The following MAP3K13 variants were observed in gnomAD, a reference collection of about 807,000 sequenced individuals.
MAP3K13 encodes the protein leucine zipper-bearing kinase.
A neutral mutation model predicts 104.0 loss-of-function variants in MAP3K13; 52 were observed. The ratio of observed to expected loss-of-function variants is 0.50; its 90% CI spans 0.40 to 0.63. The LOEUF (loss-of-function observed/expected upper bound fraction) is 0.63. MAP3K13 is among the 20% of genes least tolerant of loss of function. The pLI is 0.00. For synonymous variants in MAP3K13, 394 were observed against 442.2 expected, an observed-to-expected ratio of 0.89 and a Z score of 1.37; for missense variants, 914 against 1,218.5, an observed-to-expected ratio of 0.75 and a Z score of 3.72.
intron 2 of MAP3K13, among the ~76,000 whole-genome samples, chr3:185,335,887 T>A (rs1377681297): frequency 6.6e-6 from 1 of 152,182 alleles, no homozygotes; most frequent in East Asian, 1.9e-4. Context: ...CCTCTCTCAC[T>A]GCCTAGCAAA....
At chr3:185,464,825 A>G (rs1438477018) in intron 8 of MAP3K13, among the ~76,000 whole-genome samples, 1 of 152,162 alleles carries the variant, frequency 6.6e-6, no homozygotes, top group African/African-American at 2.4e-5. Context: ...CAGCAGATTC[A>G]GTGTCTGGTG....
intron 1 of MAP3K13, among the ~76,000 whole-genome samples, chr3:185,425,773 T>C (rs1216138512): frequency 6.6e-6 from 1 of 152,216 alleles, no homozygotes; most frequent in East Asian, 1.9e-4. Context: ...CTTTCTTTCC[T>C]AGTGACCATT....
At chr3:185,466,185 G>A (rs1301623103) in intron 9 of MAP3K13, among the ~76,000 whole-genome samples, 2 of 152,188 alleles carry the variant, frequency 1.3e-5, no homozygotes, top group Non-Finnish European at 2.9e-5. Context: ...GCTGCTGAAA[G>A]TGGTGTAAGG....
At chr3:185,366,767 C>T (rs1723909345) in intron 1 of MAP3K13, among the ~76,000 whole-genome samples, 1 of 152,134 alleles carries the variant, frequency 6.6e-6, no homozygotes, top group Non-Finnish European at 1.5e-5. Context: ...ACACATTGTC[C>T]ACATTAAAAA....
At chr3:185,300,529 T>C (rs1293181003) in intron 2 of MAP3K13, among the ~76,000 whole-genome samples, 1 of 151,478 alleles carries the variant, frequency 6.6e-6, no homozygotes, top group Non-Finnish European at 1.5e-5. Flanking sequence ...TGTAGCTTTG[T>C]TGCCCAGGCT....
chr3:185,372,739 C>T (rs1724219468), intron 1 of MAP3K13, among the ~76,000 whole-genome samples: 1 of 152,116 alleles, frequency 6.6e-6, no homozygotes, highest in African/African-American at 2.4e-5. Flanking sequence ...ATTTAATAGG[C>T]TATGGAATGG....
chr3:185,404,057 T>A (rs1712967870), intron 1 of MAP3K13, among the ~76,000 whole-genome samples: 1 of 152,232 alleles, frequency 6.6e-6, no homozygotes, highest in Admixed American at 6.5e-5. Context: ...GCACAGTGCC[T>A]AGGCACTCAG....
At chr3:185,353,010 G>A (rs147300413) in intron 2 of MAP3K13, among the ~76,000 whole-genome samples, 272 of 152,332 alleles carry the variant, frequency 1.8e-3, no homozygotes, top group Non-Finnish European at 3.1e-3. Flanking sequence ...TACACGTAAT[G>A]GAAAACCAAG....
intron 1 of MAP3K13, among the ~76,000 whole-genome samples, chr3:185,409,883 C>A (rs1020322811): frequency 6.6e-6 from 1 of 152,160 alleles, no homozygotes; most frequent in African/African-American, 2.4e-5. Context: ...GCACCATGGA[C>A]CAGTTTCGTA....
intron 1 of MAP3K13, among the ~76,000 whole-genome samples, chr3:185,395,081 T>G (rs570102774): frequency 6.6e-6 from 1 of 152,306 alleles, no homozygotes; most frequent in Non-Finnish European, 1.5e-5. Flanking sequence ...TGATCTCCTT[T>G]GCTTAATTCT....
chr3:185,417,870 T>C (rs1164202116), intron 1 of MAP3K13: 8 of 1,605,822 alleles, frequency 5.0e-6, no homozygotes, highest in African/African-American at 4.0e-5. Flanking sequence ...TGCGTGGTGC[T>C]CAAAGGGCTC....
intron 2 of MAP3K13, among the ~76,000 whole-genome samples, chr3:185,334,320 A>AT (rs1215048705): frequency 9.2e-5 from 14 of 152,344 alleles, no homozygotes; most frequent in South Asian, 2.1e-4. Context: ...CTATTTCTAA[A>AT]TTTTTTGTGA....
intron 2 of MAP3K13, among the ~76,000 whole-genome samples, chr3:185,349,784 T>C (rs911077742): frequency 4.6e-5 from 7 of 152,230 alleles, no homozygotes; most frequent in African/African-American, 1.4e-4. Flanking sequence ...TGAAGTTAAC[T>C]GCTTTATGGT....
At chr3:185,350,105 C>T (rs1184343285) in intron 2 of MAP3K13, among the ~76,000 whole-genome samples, 2 of 152,166 alleles carry the variant, frequency 1.3e-5, no homozygotes, top group African/African-American at 4.8e-5. Context: ...TTCAACAGAG[C>T]ACTTATGAAT....
At chr3:185,330,352 T>C (rs12495523) in intron 2 of MAP3K13, among the ~76,000 whole-genome samples, 115,663 of 151,508 alleles carry the variant, frequency 0.76, 44,894 homozygotes, top group Middle Eastern at 0.84. Flanking sequence ...GAGCGGGAGC[T>C]CAGATCATGG....
chr3:185,354,620 A>C (rs914953631), intron 2 of MAP3K13, among the ~76,000 whole-genome samples: 1 of 146,422 alleles, frequency 6.8e-6, no homozygotes, highest in African/African-American at 2.6e-5. Flanking sequence ...GGGGGGGGGC[A>C]GGGTACTAAA....
At chr3:185,357,309 G>C (rs750585174) in intron 2 of MAP3K13, among the ~76,000 whole-genome samples, 1 of 151,760 alleles carries the variant, frequency 6.6e-6, no homozygotes, top group African/African-American at 2.4e-5. Context: ...TTAGCTGCAT[G>C]TGGTGGCGGG....
chr3:185,299,553 C>CTTT (rs1195743775), intron 2 of MAP3K13, among the ~76,000 whole-genome samples: 20 of 7,088 alleles, frequency 2.8e-3, no homozygotes, highest in Non-Finnish European at 3.7e-3. Flanking sequence ...CTCTCTCTCT[C>CTTT]TTTTTTTTTT....
At chr3:185,467,625 A>G (rs1327186739) in intron 10 of MAP3K13, among the ~76,000 whole-genome samples, 1 of 152,024 alleles carries the variant, frequency 6.6e-6, no homozygotes, top group Non-Finnish European at 1.5e-5. Context: ...TCTACTAAAA[A>G]TACAAAAATT....
Sources: allele counts gnomAD v4.1 joint callset (sites outside exome capture counted in the v4.1 genomes callset), GRCh38; gene constraint gnomAD v4.1.1; transcripts MANE v1.5; gene names NCBI Gene and HGNC (gene_info 2026-07-23, HGNC 2026-07-21).